The following ZNF350 variants were observed in gnomAD, a reference collection of about 807,000 sequenced individuals.
ZNF350 encodes KRAB zinc finger protein ZFQR.
Under a neutral mutation model 13.1 loss-of-function variants are expected in ZNF350, and 5 were observed. The observed-to-expected ratio is 0.38, with a 90% CI of 0.20 to 0.80. ZNF350 has a LOEUF of 0.80. Ranked by LOEUF, ZNF350 falls within the 30% of genes least tolerant of loss-of-function variation. ZNF350 has a pLI of 0.43. For missense variants in ZNF350, 534 were observed against 644.2 expected, an observed-to-expected ratio of 0.83 and a Z score of 1.85; for synonymous variants, 199 against 224.2, an observed-to-expected ratio of 0.89 and a Z score of 1.00.
At chr19:51,984,175 TAAAAAAATTA>T (rs1352358236) in intron 1 of ZNF350, 2 of 108,388 alleles carry the variant, frequency 1.8e-5, no homozygotes, top group Non-Finnish European at 3.4e-5. Flanking sequence ...AGACTCTATC[TAAAAAAATTA>T]AAAAAAAAAA....
chr19:51,966,285 T>TTG (rs1555762020), intron 4 of ZNF350, 71 bp from the exon 5 acceptor site: 1 of 1,467,332 alleles, frequency 6.8e-7, no homozygotes, highest in African/African-American at 1.4e-5. Context: ...TTTTTTGTTT[T>TTG]TTTTGTTTTT....
rs117158591 is a variant in ZNF350 at position 51,978,715 on chromosome 19, C to T, written c.-171-4184G>A. Among the ~76,000 whole-genome samples, 506 of 152,172 alleles carry T rather than the reference C, an allele frequency of 3.3e-3. 3 individuals are homozygous for T. Among genetic ancestry groups the T allele is most frequent in the Non-Finnish European group, 6.1e-3 (418 of 68,018 alleles). On this transcript the variant is annotated intron_variant, in intron 1 of 4. Coordinates refer to ENST00000243644, the MANE Select transcript of ZNF350 (RefSeq NM_021632.4). ...AGGATGGGCACATCAAACATTACAA[C>T]GCATGTTGAAAAAACAAAAAGGGGG...
At chr19:51,983,124 G>A (rs951466453) in intron 1 of ZNF350, among the ~76,000 whole-genome samples, 3 of 152,346 alleles carry the variant, frequency 2.0e-5, no homozygotes, top group East Asian at 1.9e-4. Flanking sequence ...TGCTGTGTTG[G>A]CTCAAGGTTT....
rs2085548084 is a variant in ZNF350 at position 51,965,704 on chromosome 19, G to C, written c.749C>G (p.Thr250Ser). ...TCCTGTATGAGTTCGCTGATGTTCA[G>C]TAAGCATGAACTTTCTGGAGAAGGC... is the stretch of plus-strand genomic sequence containing the variant. The part of the protein sequence containing the change: ...EKAFSRKFML[T>S]EHQRTHTGEK... Residue 250 changes from threonine to serine, a missense_variant, in exon 5 of 5, where the codon ACT (threonine) becomes AGT (serine). Transcript: ENST00000243644. 2 of 1,614,142 alleles carry C rather than the reference G, an allele frequency of 1.2e-6. No individual in the cohort carries two copies. The highest frequency in any genetic ancestry group is 1.7e-6 in the Non-Finnish European group (2 of 1,180,022).
intron 1 of ZNF350, among the ~76,000 whole-genome samples, chr19:51,978,923 C>T (rs568495947): frequency 9.9e-5 from 15 of 152,096 alleles, no homozygotes; most frequent in Non-Finnish European, 1.5e-4. Flanking sequence ...TGGAAAGGCC[C>T]GGTAGATTTA....
At chr19:51,973,162 G>A (rs1469163315) in intron 2 of ZNF350, 1 of 151,960 alleles carries the variant, frequency 6.6e-6, no homozygotes, top group African/African-American at 2.4e-5. Context: ...GAGCCAGGAT[G>A]GTCTCGATCT....
chr19:51,982,026 G>T (rs2086057711), intron 1 of ZNF350: 1 of 151,658 alleles, frequency 6.6e-6, no homozygotes, highest in Non-Finnish European at 1.5e-5. Context: ...TCTGATAGGG[G>T]TTCCCCTGAA....
chr19:51,981,810 T>C (rs1261498614), intron 1 of ZNF350: 1 of 152,174 alleles, frequency 6.6e-6, no homozygotes, highest in African/African-American at 2.4e-5. Flanking sequence ...TCTTGAAATG[T>C]ATACAGCAAA....
chr19:51,968,795 T>C, intron 3 of ZNF350, 122 bp from the exon 4 acceptor site: 1 of 1,417,828 alleles, frequency 7.1e-7, no homozygotes, highest in Non-Finnish European at 9.7e-7. Context: ...TAGTTTCTTA[T>C]CTGAAACTAT....
chr19:51,981,653 A>G (rs1331520927), intron 1 of ZNF350, among the ~76,000 whole-genome samples: 2 of 152,230 alleles, frequency 1.3e-5, no homozygotes, highest in African/African-American at 4.8e-5. Flanking sequence ...GTAACCAAAG[A>G]TAATCTGTTA....
chr19:51,975,355 G>A (rs2085855613), intron 1 of ZNF350, among the ~76,000 whole-genome samples: 1 of 149,714 alleles, frequency 6.7e-6, no homozygotes, highest in African/African-American at 2.5e-5. Flanking sequence ...CTTGAATCCG[G>A]GAGATGGAGG....
rs144144068 is a variant in ZNF350, at chr19:51,986,466, T to C, written c.-172+304A>G. 1,110 of 152,762 alleles carry C rather than the reference T, an allele frequency of 7.3e-3. 14 individuals carry two copies. Among genetic ancestry groups the C allele is most frequent in the African/African-American group, 0.026 (1,070 of 41,534 alleles). 9.5% of individuals were successfully genotyped at this position (152,762 alleles called of 1,614,324 possible). Reference sequence around the variant, plus strand: ...GAACCCGAAGCAGACGCCGCATCGATCCTAATCGCCACCTCCATCCTTTAC... The same window carrying C: ...GAACCCGAAGCAGACGCCGCATCGACCCTAATCGCCACCTCCATCCTTTAC... On this transcript the variant is annotated intron_variant, in intron 1 of 4. Transcript: ENST00000243644.
At chr19:51,968,958 G>T (rs775434536) in intron 3 of ZNF350, 47 bp downstream of exon 3, 1 of 1,613,768 alleles carries the variant, frequency 6.2e-7, no homozygotes. Flanking sequence ...AGAAAGGAAG[G>T]CCACTGACTA....
chr19:51,980,353 G>A (rs2086003196), intron 1 of ZNF350, among the ~76,000 whole-genome samples: 1 of 152,174 alleles, frequency 6.6e-6, no homozygotes, highest in East Asian at 1.9e-4. Context: ...TACTCACTGT[G>A]TCCATAGAGC....
intron 1 of ZNF350, among the ~76,000 whole-genome samples, chr19:51,982,946 G>T (rs1324066105): frequency 6.6e-6 from 1 of 152,200 alleles, no homozygotes; most frequent in East Asian, 1.9e-4. Context: ...CTAGCACTTT[G>T]GGAAGCTGAG....
At position 51,965,597 on chromosome 19, in the gene ZNF350, C is replaced by T. The variant is rs72483947; in HGVS notation, c.856G>A (p.Gly286Arg). 17 of 1,614,110 alleles carry T rather than the reference C, an allele frequency of 1.1e-5. No individual in the cohort carries two copies. Among genetic ancestry groups the T allele is most frequent in the Middle Eastern group, 1.6e-4 (1 of 6,062 alleles). The change falls in exon 5 of 5, where the codon GGA becomes AGA. Residue 286 changes from glycine (G) to arginine (R), a missense_variant. Coordinates refer to ENST00000243644, the MANE Select transcript of ZNF350 (RefSeq NM_021632.4). ...TCACTGCATATATAGGGTTTCTCTC[C>T]GGTATGTGTTTTCTGATGTATGTTG... ...RLNIHQKTHT[G>R]EKPYICSECG...
intron 1 of ZNF350, among the ~76,000 whole-genome samples, chr19:51,978,829 C>G (rs550713179): frequency 6.6e-6 from 1 of 152,062 alleles, no homozygotes; most frequent in Non-Finnish European, 1.5e-5. Context: ...TGGTAAGACT[C>G]CAGCAGAAAG....
intron 1 of ZNF350, among the ~76,000 whole-genome samples, chr19:51,980,167 T>G (rs1029871635): frequency 6.6e-6 from 1 of 152,230 alleles, no homozygotes; most frequent in Admixed American, 6.5e-5. Context: ...CCAATTGACC[T>G]GTAAATCTTG....
intron 1 of ZNF350, chr19:51,982,117 A>G (rs1356451950): frequency 6.6e-6 from 1 of 152,184 alleles, no homozygotes; most frequent in Non-Finnish European, 1.5e-5. Context: ...CCTCAAGCTA[A>G]ATAATTATCT....
Sources: allele counts gnomAD v4.1 joint callset (sites outside exome capture counted in the v4.1 genomes callset), GRCh38; gene constraint gnomAD v4.1.1; transcripts MANE v1.5; gene names NCBI Gene and HGNC (gene_info 2026-07-23, HGNC 2026-07-21).